The following UACA variants were observed in gnomAD, a reference collection of about 807,000 sequenced individuals.
UACA encodes uveal autoantigen with coiled-coil domains and ankyrin repeats.
Under a neutral mutation model 160.5 loss-of-function variants are expected in UACA, and 112 were observed. The observed-to-expected ratio is 0.70, with a 90% confidence interval of 0.60 to 0.82. The LOEUF is 0.82. Among genes scored for constraint, UACA ranks in the 40% least tolerant of loss-of-function variants. The pLI is 0.00. For missense variants in UACA, 1,574 were observed against 1,614.6 expected, an observed-to-expected ratio of 0.97 and a Z score of 0.43; for synonymous variants, 557 against 568.4, an observed-to-expected ratio of 0.98 and a Z score of 0.29.
chr15:70,680,208 T>G (rs1897448872), intron 9 of UACA, among the ~76,000 whole-genome samples: 1 of 152,216 alleles, frequency 6.6e-6, no homozygotes, highest in African/African-American at 2.4e-5. Flanking sequence ...ATAACTTGGT[T>G]GGGTGTATGT....
intron 1 of UACA, among the ~76,000 whole-genome samples, chr15:70,746,301 A>T (rs1277637944): frequency 6.6e-6 from 1 of 152,218 alleles, no homozygotes; most frequent in Non-Finnish European, 1.5e-5. Flanking sequence ...AAAAACAAAC[A>T]ACCCCATCAA....
intron 1 of UACA, among the ~76,000 whole-genome samples, chr15:70,722,818 C>T (rs1443460179): frequency 6.6e-6 from 1 of 152,066 alleles, no homozygotes; most frequent in African/African-American, 2.4e-5. Flanking sequence ...TTTCTGGCTC[C>T]CTCTGGTGGC....
At chr15:70,690,013 A>G (rs1361136332) in intron 5 of UACA, among the ~76,000 whole-genome samples, 1 of 152,182 alleles carries the variant, frequency 6.6e-6, no homozygotes, top group Non-Finnish European at 1.5e-5. Context: ...CAGTAGTATT[A>G]TTAACTTCAT....
At chr15:70,717,391 A>AC (rs1203082128) in intron 1 of UACA, among the ~76,000 whole-genome samples, 1 of 152,240 alleles carries the variant, frequency 6.6e-6, no homozygotes, top group African/African-American at 2.4e-5. Flanking sequence ...GTAAAAGATT[A>AC]CATAGTAAGT....
the UACA span, among the ~76,000 whole-genome samples, chr15:70,770,828 A>T: frequency 6.6e-6 from 1 of 152,214 alleles, no homozygotes; most frequent in African/African-American, 2.4e-5. Flanking sequence ...AGATCCATGA[A>T]CTTTTTGGCT....
At chr15:70,686,692 T>A (rs1054828667) in intron 7 of UACA, among the ~76,000 whole-genome samples, 3 of 152,090 alleles carry the variant, frequency 2.0e-5, no homozygotes, top group Non-Finnish European at 4.4e-5. Flanking sequence ...CTATTTTTTA[T>A]ACTTTTATAC....
At chr15:70,709,245 C>T (rs759170510) in intron 1 of UACA, among the ~76,000 whole-genome samples, 1 of 152,132 alleles carries the variant, frequency 6.6e-6, no homozygotes, top group East Asian at 1.9e-4. Context: ...TAAATTTCTA[C>T]AGTCAGTTAT....
At chr15:70,774,089 A>G in the UACA span, among the ~76,000 whole-genome samples, 124 of 152,348 alleles carry the variant, frequency 8.1e-4, 1 homozygote, top group Middle Eastern at 6.8e-3. Context: ...TTACTACACA[A>G]TCACTAAAGT....
At chr15:70,664,624 A>G (rs1248981876) in intron 17 of UACA, 38 bp downstream of exon 17, 2 of 1,586,352 alleles carry the variant, frequency 1.3e-6, no homozygotes, top group African/African-American at 2.7e-5. Context: ...GGGAGCCAGC[A>G]CATATTCCTG....
intron 1 of UACA, among the ~76,000 whole-genome samples, chr15:70,727,503 T>C (rs894804549): frequency 6.6e-6 from 1 of 152,194 alleles, no homozygotes; most frequent in African/African-American, 2.4e-5. Flanking sequence ...CTATTTTAAA[T>C]AGACATTTTT....
At chr15:70,747,669 T>C (rs1039253055) in intron 1 of UACA, among the ~76,000 whole-genome samples, 1 of 152,156 alleles carries the variant, frequency 6.6e-6, no homozygotes, top group African/African-American at 2.4e-5. Flanking sequence ...AATTGAAACT[T>C]ATTGAGATAA....
At chr15:70,664,851 C>T (rs749155248) in intron 16 of UACA, 37 bp from the exon 17 acceptor site, 1 of 1,569,562 alleles carries the variant, frequency 6.4e-7, no homozygotes, top group Non-Finnish European at 8.7e-7. Flanking sequence ...ATATTATTCA[C>T]TTATCATGTA....
chr15:70,670,524 T>G (rs1052518210), intron 15 of UACA, among the ~76,000 whole-genome samples: 91 of 152,212 alleles, frequency 6.0e-4, no homozygotes, highest in African/African-American at 2.1e-3. Flanking sequence ...ACTCCTGCCC[T>G]AAAACTTCCC....
upstream of UACA, among the ~76,000 whole-genome samples, chr15:70,767,285 T>TA (rs1200795360): frequency 1.5e-5 from 1 of 68,508 alleles, no homozygotes. Context: ...ACAACAACAA[T>TA]AAAAAAAAGA....
chr15:70,764,033 A>T (rs1262976026), upstream of UACA, among the ~76,000 whole-genome samples: 1 of 152,202 alleles, frequency 6.6e-6, no homozygotes, highest in Non-Finnish European at 1.5e-5. Flanking sequence ...AAACCACCAC[A>T]CGCATCAAAA....
intron 1 of UACA, among the ~76,000 whole-genome samples, chr15:70,701,024 G>A (rs1898341699): frequency 6.6e-6 from 1 of 151,916 alleles, no homozygotes; most frequent in Admixed American, 6.6e-5. Context: ...AACAAGTAAT[G>A]TAAAATTAAA....
intron 1 of UACA, among the ~76,000 whole-genome samples, chr15:70,699,922 T>C (rs1255455116): frequency 6.6e-6 from 1 of 152,106 alleles, no homozygotes; most frequent in Non-Finnish European, 1.5e-5. Flanking sequence ...CTCTGTCCAG[T>C]TCTCTTTGCC....
chr15:70,718,321 AGAATG>A (rs1898884757), intron 1 of UACA, among the ~76,000 whole-genome samples: 12 of 68,146 alleles, frequency 1.8e-4, no homozygotes, highest in African/African-American at 5.0e-4. Context: ...AGAGAGAGAG[AGAATG>A]TGTGTGTGTG....
At chr15:70,682,665 C>T (rs1897552799) in intron 9 of UACA, 93 bp downstream of exon 9, 3 of 712,032 alleles carry the variant, frequency 4.2e-6, no homozygotes, top group Middle Eastern at 4.1e-4. Flanking sequence ...CGCATTTAAA[C>T]TCAGAATAGT....
Sources: allele counts gnomAD v4.1 joint callset (sites outside exome capture counted in the v4.1 genomes callset), GRCh38; gene constraint gnomAD v4.1.1; transcripts MANE v1.5; gene names NCBI Gene and HGNC (gene_info 2026-07-23, HGNC 2026-07-21).